The following VAV2 variants were observed in gnomAD, a reference collection of about 807,000 sequenced individuals.
VAV2 encodes vav guanine nucleotide exchange factor 2, also known as guanine nucleotide exchange factor VAV2.
In VAV2, 67 loss-of-function variants were observed where a neutral mutation model predicts 132.5. The observed-to-expected ratio is 0.51, with a 90% CI of 0.42 to 0.62. The LOEUF (loss-of-function observed/expected upper bound fraction) is 0.62. Among genes scored for constraint, VAV2 ranks in the 20% least tolerant of loss-of-function variants. The pLI is 0.00. For synonymous variants in VAV2, 492 were observed against 443.5 expected (o/e 1.11, Z -1.37); for missense variants, 938 against 1,153.6 (o/e 0.81, Z 2.71).
At chr9:133,779,785 A>T in intron 21 of VAV2, 133 bp downstream of exon 21, 1 of 1,248,382 alleles carries the variant, frequency 8.0e-7, no homozygotes, top group South Asian at 1.5e-5. Context: ...GGGGGCCCAG[A>T]TGGCAGCATC....
rs79457560 is a variant in VAV2, at chr9:133,848,927, G to A, written c.380+12447C>T. ...ATGCCAAGACGTCATCTTCTGTTCC[G>A]GGACATTCTTAATGATCTCACGTCT... On this transcript the variant is annotated intron_variant, in intron 3 of 29. Transcript: ENST00000371850. 6.3e-3 allele frequency among the ~76,000 whole-genome samples: 960 copies of A among 152,256 alleles called. 7 individuals are homozygous for A. Among genetic ancestry groups the A allele is most frequent in the African/African-American group, 0.022 (900 of 41,544 alleles).
At position 133,788,051 on chromosome 9, in the gene VAV2, C is replaced by T. The variant is rs1280586909; in HGVS notation, c.1407+303G>A. 6.6e-6 allele frequency among the ~76,000 whole-genome samples: 1 copy of T among 152,250 alleles called. No individual in the cohort carries two copies. The highest frequency in any genetic ancestry group is 2.4e-5 in the African/African-American group (1 of 41,472). ...TTGAAAGTCCCACCCTCACTAGAGGCCTTGGGGTGGCCTCTCCCCTCTGCC... is the reference window on the plus strand; with the variant it reads ...TTGAAAGTCCCACCCTCACTAGAGGTCTTGGGGTGGCCTCTCCCCTCTGCC... On this transcript the variant is annotated intron_variant, in intron 15 of 29. Transcript: ENST00000371850. The surrounding 1 kb of genome is among the most constrained non-coding windows in gnomAD (Gnocchi z 5.3).
intron 3 of VAV2, among the ~76,000 whole-genome samples, chr9:133,851,167 G>A (rs761572547): frequency 4.6e-5 from 7 of 152,172 alleles, no homozygotes; most frequent in South Asian, 2.1e-4. Context: ...CCTCCACCAC[G>A]CACTCAGGAG....
In VAV2 at chr9:133,941,622, G is replaced by A. The variant is rs374489506; in HGVS notation, c.205-2403C>T. Among the ~76,000 whole-genome samples the A allele has an allele frequency of 1.5e-3, 148 of 97,852 alleles. 2 individuals carry two copies. The highest frequency in any genetic ancestry group is 8.5e-3 in the South Asian group (25 of 2,924). 64.2% of individuals were successfully genotyped at this position (97,852 alleles called of 152,430 possible). A position where few individuals can be genotyped will look rare whatever the true frequency, so the allele number is the denominator to read the frequency against. On this transcript the variant is annotated intron_variant, in intron 1 of 29. Transcript: ENST00000371850. Reference sequence around the variant, plus strand: ...CCACTTTTTTTTGGGGGGGGGGGGGGACGGAATTTCGCCCTTGTTTCCCAG... The same window carrying A: ...CCACTTTTTTTTGGGGGGGGGGGGGAACGGAATTTCGCCCTTGTTTCCCAG...
intron 2 of VAV2, among the ~76,000 whole-genome samples, chr9:133,869,900 G>A (rs571536377): frequency 9.2e-5 from 14 of 152,296 alleles, no homozygotes; most frequent in African/African-American, 2.2e-4. Flanking sequence ...ATGTTGCCCC[G>A]GAAACTCACC....
At position 133,863,754 on chromosome 9, in the gene VAV2, TG is replaced by T. The variant is rs34081180; in HGVS notation, c.322-2323del. Among the ~76,000 whole-genome samples the T allele has an allele frequency of 4.6e-5, 7 of 151,958 alleles. No homozygotes were observed. The highest frequency in any genetic ancestry group is 1.7e-4 in the African/African-American group (7 of 41,376). ...CAGGCTTCCTAGCTGGCACTGGGGA[TG>T]GGGGGAAGCTCAGAAGTCCACCACG... On this transcript the variant is annotated intron_variant, in intron 2 of 29. Coordinates refer to ENST00000371850, the MANE Select transcript of VAV2 (RefSeq NM_001134398.2). This position sits in a 1 kb window ranked among gnomAD's most constrained non-coding sequence, Gnocchi z 5.0.
chr9:133,783,724 C>T lies in VAV2; in HGVS notation c.1635-133G>A, dbSNP rs577027428. On this transcript the variant is annotated intron_variant, in intron 18 of 29. Coordinates refer to ENST00000371850, the MANE Select transcript of VAV2 (RefSeq NM_001134398.2). ...CTCCCAGCACACACATCCCTCATAGCCCTGAGTATCCAGGACCCTCCCTTA... is the reference window on the plus strand; with the variant it reads ...CTCCCAGCACACACATCCCTCATAGTCCTGAGTATCCAGGACCCTCCCTTA... The T allele has an allele frequency of 2.1e-5, 16 of 752,526 alleles. No individual in the cohort carries two copies. The East Asian group carries it at 4.3e-4, about 20-fold the overall frequency. 46.6% of individuals were successfully genotyped at this position (752,526 alleles called of 1,614,324 possible).
chr9:133,799,131 C>A (rs1035614390), intron 9 of VAV2, among the ~76,000 whole-genome samples: 1 of 152,232 alleles, frequency 6.6e-6, no homozygotes. Flanking sequence ...GATGCAGGGA[C>A]AGGTTTCCAT....
chr9:133,934,800 G>C (rs1480333879), intron 2 of VAV2, among the ~76,000 whole-genome samples: 2 of 152,118 alleles, frequency 1.3e-5, no homozygotes, highest in Non-Finnish European at 2.9e-5. Flanking sequence ...CCACAGTCGC[G>C]AGAGCCGATG....
rs200588817 is a variant in VAV2, at chr9:133,788,506, G to A, written c.1275-20C>T. 756 of 1,601,136 alleles carry A rather than the reference G, an allele frequency of 4.7e-4. 3 individuals are homozygous for A. The highest frequency in any genetic ancestry group is 4.9e-4 in the Non-Finnish European group (572 of 1,169,958). On this transcript the variant is annotated intron_variant, in intron 14 of 29. Transcript: ENST00000371850. This position sits in a 1 kb window ranked among gnomAD's most constrained non-coding sequence, Gnocchi z 5.3. The stretch of plus-strand genomic sequence containing the variant: ...AAGTACCTGGGCCAGGCAGCGCAGC[G>A]GGGGATCAGCACCCCAGCACTGTGT...
chr9:133,926,915 C>T lies in VAV2; in HGVS notation c.321+12188G>A, dbSNP rs1235074073. On this transcript the variant is annotated intron_variant, in intron 2 of 29. Transcript: ENST00000371850. The surrounding 1 kb of genome is among the most constrained non-coding windows in gnomAD (Gnocchi z 4.3). Reference sequence around the variant, plus strand: ...TGTGGAGGGATGGGGAGGCCCAGCACCAGCCCTGGCCACAACTATAGCAAC... The same window carrying T: ...TGTGGAGGGATGGGGAGGCCCAGCATCAGCCCTGGCCACAACTATAGCAAC... 1.3e-5 allele frequency among the ~76,000 whole-genome samples: 2 copies of T among 152,194 alleles called. No homozygotes were observed.
intron 1 of VAV2, among the ~76,000 whole-genome samples, chr9:133,981,580 G>A (rs1044640795): frequency 6.6e-6 from 1 of 152,228 alleles, no homozygotes; most frequent in Non-Finnish European, 1.5e-5. Context: ...CTGTGGGGTA[G>A]AAACTGCGCT....
At chr9:133,937,332 A>G (rs1377623342) in intron 2 of VAV2, among the ~76,000 whole-genome samples, 2 of 151,024 alleles carry the variant, frequency 1.3e-5, no homozygotes, top group African/African-American at 4.9e-5. Context: ...GTGGGTGTGA[A>G]CATGGAAGAC....
chr9:133,891,450 GAGGGATGAAGA>G (rs1564440786), intron 2 of VAV2, among the ~76,000 whole-genome samples: 1 of 4,910 alleles, frequency 2.0e-4, no homozygotes. Context: ...GGATGAAGAG[GAGGGATGAAGA>G]GGAGGGATGG....
intron 2 of VAV2, among the ~76,000 whole-genome samples, chr9:133,882,960 A>AG (rs957966789): frequency 2.6e-5 from 4 of 152,170 alleles, no homozygotes; most frequent in African/African-American, 9.7e-5. Context: ...CTGCAGGGAC[A>AG]GGGGTTCCAC....
Position 133,895,531 on chromosome 9 carries a change from G to A in VAV2, c.322-34099C>T, listed in dbSNP as rs140861983. On this transcript the variant is annotated intron_variant, in intron 2 of 29. Transcript: ENST00000371850. Reference sequence around the variant, plus strand: ...CTGATTCTCACCGCAACGTGCCAGCGGGTGCCAGCCAGGCACAGGGACAAT... The same window carrying A: ...CTGATTCTCACCGCAACGTGCCAGCAGGTGCCAGCCAGGCACAGGGACAAT... Among the ~76,000 whole-genome samples the A allele has an allele frequency of 8.3e-4, 127 of 152,310 alleles. 2 individuals carry two copies. The highest frequency in any genetic ancestry group is 3.4e-3 in the Middle Eastern group (1 of 294).
chr9:133,770,566 G>A (rs1433512653), intron 26 of VAV2, 65 bp from the exon 27 acceptor site: 1 of 1,593,816 alleles, frequency 6.3e-7, no homozygotes, highest in Admixed American at 1.7e-5. Flanking sequence ...CCAGTGACCT[G>A]GCCTCCCTCT....
intron 1 of VAV2, among the ~76,000 whole-genome samples, chr9:133,990,647 C>T (rs1352836405): frequency 6.6e-6 from 1 of 152,224 alleles, no homozygotes; most frequent in East Asian, 1.9e-4. Context: ...TGGTTCGAGG[C>T]CCAGCCCTGC....
intron 2 of VAV2, among the ~76,000 whole-genome samples, chr9:133,880,619 G>A (rs1838452846): frequency 6.6e-6 from 1 of 152,188 alleles, no homozygotes; most frequent in Non-Finnish European, 1.5e-5. Flanking sequence ...GATGGGTCTT[G>A]GGACAGAGGA....
Sources: gnomAD v4.1 joint callset for allele counts (sites outside exome capture counted in the v4.1 genomes callset) on GRCh38, gnomAD v4.1.1 for gene constraint, Gnocchi (gnomAD v3.1) non-coding constraint, MANE v1.5 for transcripts, NCBI Gene and HGNC (gene_info 2026-07-23, HGNC 2026-07-21) for gene names.